The following NRXN1 variants were observed in gnomAD, a reference collection of about 807,000 sequenced individuals.
NRXN1 encodes neurexin 1.
NRXN1 carries 39 observed loss-of-function variants against 150.9 expected under a neutral mutation model. The ratio of observed to expected loss-of-function variants is 0.26; its 90% CI spans 0.20 to 0.34. NRXN1 has a LOEUF of 0.34. Ranked by LOEUF, NRXN1 falls within the 10% of genes least tolerant of loss-of-function variation. The pLI is 1.00. For synonymous variants in NRXN1, 924 were observed against 757.0 expected (o/e 1.22, Z -3.62); for missense variants, 1,815 against 1,949.9 (o/e 0.93, Z 1.30).
intron 5 of NRXN1, among the ~76,000 whole-genome samples, chr2:50,745,943 A>T (rs1305100908): frequency 6.6e-6 from 1 of 152,062 alleles, no homozygotes; most frequent in East Asian, 1.9e-4. Flanking sequence ...ATTTTAAAAC[A>T]GTAATCAAGA....
At chr2:50,787,069 T>C (rs942609048) in intron 5 of NRXN1, among the ~76,000 whole-genome samples, 13 of 152,058 alleles carry the variant, frequency 8.5e-5, no homozygotes, top group African/African-American at 3.1e-4. Context: ...CTGTGAAAAA[T>C]AAGATGACAG....
chr2:50,293,136 ATC>A (rs2073140688), intron 17 of NRXN1, among the ~76,000 whole-genome samples: 1 of 152,100 alleles, frequency 6.6e-6, no homozygotes, highest in African/African-American at 2.4e-5. Context: ...GCATGATTTT[ATC>A]TGATTCTCCA....
chr2:50,385,130 C>G (rs1437246028), intron 17 of NRXN1, among the ~76,000 whole-genome samples: 1 of 152,144 alleles, frequency 6.6e-6, no homozygotes, highest in Admixed American at 6.5e-5. Context: ...CCAAACACCC[C>G]CAAGCTACAC....
intron 5 of NRXN1, among the ~76,000 whole-genome samples, chr2:50,866,206 T>C (rs1438880349): frequency 6.6e-6 from 1 of 151,908 alleles, no homozygotes; most frequent in Admixed American, 6.6e-5. Flanking sequence ...TGTGAAGAGT[T>C]CCACCACATT....
chr2:50,334,913 G>C (rs1449645430), intron 17 of NRXN1, among the ~76,000 whole-genome samples: 1 of 152,104 alleles, frequency 6.6e-6, no homozygotes, highest in Non-Finnish European at 1.5e-5. Flanking sequence ...ATCTTGCTTT[G>C]ACTGAACTAC....
intron 15 of NRXN1, among the ~76,000 whole-genome samples, chr2:50,474,708 T>TAAAAAAC (rs2089839315): frequency 2.2e-5 from 1 of 46,104 alleles, no homozygotes; most frequent in African/African-American, 8.5e-5. Flanking sequence ...AAAAAAAAAG[T>TAAAAAAC]CCAACCTAAA....
chr2:50,184,939 T>C (rs750484484), intron 18 of NRXN1, among the ~76,000 whole-genome samples: 3 of 152,098 alleles, frequency 2.0e-5, no homozygotes, highest in Non-Finnish European at 4.4e-5. Flanking sequence ...TAAGGAAGTC[T>C]GGTTCCAAAA....
At chr2:50,752,030 T>A (rs1700652198) in intron 5 of NRXN1, among the ~76,000 whole-genome samples, 1 of 151,996 alleles carries the variant, frequency 6.6e-6, no homozygotes, top group Admixed American at 6.6e-5. Flanking sequence ...AACAGTCACT[T>A]TGAACACAGA....
chr2:50,048,775 T>C (rs1692233279), intron 21 of NRXN1, among the ~76,000 whole-genome samples: 1 of 152,184 alleles, frequency 6.6e-6, no homozygotes, highest in Non-Finnish European at 1.5e-5. Flanking sequence ...AATAGTTCCT[T>C]TCCTTGAGTA....
intron 17 of NRXN1, among the ~76,000 whole-genome samples, chr2:50,350,587 G>C (rs1282419241): frequency 6.6e-6 from 1 of 152,174 alleles, no homozygotes; most frequent in Non-Finnish European, 1.5e-5. Flanking sequence ...AACTGTATTT[G>C]TTATTCTCTT....
intron 9 of NRXN1, among the ~76,000 whole-genome samples, chr2:50,542,920 A>G (rs925868666): frequency 1.3e-5 from 2 of 152,178 alleles, no homozygotes; most frequent in African/African-American, 2.4e-5. Flanking sequence ...AAATTTAAAT[A>G]TTAAGGTTCC....
intron 17 of NRXN1, among the ~76,000 whole-genome samples, chr2:50,263,797 G>C (rs890681478): frequency 6.6e-6 from 1 of 152,128 alleles, no homozygotes; most frequent in Non-Finnish European, 1.5e-5. Flanking sequence ...CGCCTGTTTA[G>C]AGGGTGGCAG....
chr2:50,470,006 A>C (rs2089303213), intron 16 of NRXN1, among the ~76,000 whole-genome samples: 1 of 151,484 alleles, frequency 6.6e-6, no homozygotes, highest in African/African-American at 2.4e-5. Flanking sequence ...CCACTCACTC[A>C]CATTACATAC....
intron 17 of NRXN1, among the ~76,000 whole-genome samples, chr2:50,401,733 G>C (rs921353835): frequency 1.3e-5 from 2 of 151,946 alleles, no homozygotes; most frequent in African/African-American, 2.4e-5. Flanking sequence ...AGAGCCTATG[G>C]TTGGAATTTT....
intron 9 of NRXN1, among the ~76,000 whole-genome samples, chr2:50,541,049 T>C (rs1377297936): frequency 1.3e-5 from 2 of 152,182 alleles, no homozygotes. Context: ...CCGTAGAATT[T>C]TTGAGGATTT....
chr2:50,854,542 T>C (rs1674985566), intron 5 of NRXN1, among the ~76,000 whole-genome samples: 1 of 152,088 alleles, frequency 6.6e-6, no homozygotes, highest in African/African-American at 2.4e-5. Flanking sequence ...AAATCACACT[T>C]TGTTTGAAAG....
At position 49,987,781 on chromosome 2, in the gene NRXN1, T is replaced by G. The variant is rs867867324; in HGVS notation, c.4129-43990A>C. On this transcript the variant is annotated intron_variant, in intron 21 of 22. Transcript: ENST00000401669. The stretch of plus-strand genomic sequence containing the variant: ...AACGTTTTTTTTTTTTTGACTCAGC[T>G]GTGACTTTTGGAAAAGAAACTAGAA... Among the ~76,000 whole-genome samples the G allele has an allele frequency of 2.6e-4, 39 of 151,836 alleles. 1 individual carries two copies. Among genetic ancestry groups the G allele is most frequent in the African/African-American group, 8.9e-4 (37 of 41,348 alleles).
chr2:50,276,475 A>G (rs1021434137), intron 17 of NRXN1, among the ~76,000 whole-genome samples: 14 of 152,126 alleles, frequency 9.2e-5, no homozygotes, highest in African/African-American at 3.4e-4. Context: ...ATAGGAATTC[A>G]TTAGATATTT....
At chr2:50,464,737 T>C (rs188627964) in intron 17 of NRXN1, among the ~76,000 whole-genome samples, 2 of 152,030 alleles carry the variant, frequency 1.3e-5, no homozygotes, top group Admixed American at 1.3e-4. Flanking sequence ...ATTTTGATGA[T>C]GTGCTGTAAA....
Sources: allele counts gnomAD v4.1 joint callset (sites outside exome capture counted in the v4.1 genomes callset), GRCh38; gene constraint gnomAD v4.1.1; transcripts MANE v1.5; gene names NCBI Gene and HGNC (gene_info 2026-07-23, HGNC 2026-07-21).